The following CHST11 variants were observed in gnomAD, a reference collection of about 807,000 sequenced individuals.
CHST11 encodes the protein carbohydrate sulfotransferase 11.
CHST11 carries 9 observed loss-of-function variants against 30.4 expected under a neutral mutation model. The ratio of observed to expected loss-of-function variants is 0.30; its 90% CI spans 0.18 to 0.52. The LOEUF is 0.52. Among genes scored for constraint, CHST11 ranks in the 20% least tolerant of loss-of-function variants. The pLI is 0.97. For synonymous variants in CHST11, 152 were observed against 187.8 expected, an observed-to-expected ratio of 0.81 and a Z score of 1.56; for missense variants, 348 against 460.6, an observed-to-expected ratio of 0.76 and a Z score of 2.24.
At chr12:104,608,561 A>G (rs1033968995) in intron 2 of CHST11, among the ~76,000 whole-genome samples, 2 of 152,064 alleles carry the variant, frequency 1.3e-5, no homozygotes, top group African/African-American at 4.8e-5. Flanking sequence ...CTCCCTTGCA[A>G]TGTGTTTTCA....
At chr12:104,709,284 T>G (rs1191390420) in intron 2 of CHST11, among the ~76,000 whole-genome samples, 1 of 152,182 alleles carries the variant, frequency 6.6e-6, no homozygotes, top group East Asian at 1.9e-4. Context: ...CAGGGCCTTC[T>G]CTCTCTCCTC....
At chr12:104,602,281 G>A (rs1592788337) in intron 2 of CHST11, 7 of 462,062 alleles carry the variant, frequency 1.5e-5, no homozygotes, top group Non-Finnish European at 2.7e-5. Context: ...AATGGGACTC[G>A]GGAATTAAAG....
At chr12:104,654,259 A>T (rs993635260) in intron 2 of CHST11, among the ~76,000 whole-genome samples, 13 of 152,308 alleles carry the variant, frequency 8.5e-5, no homozygotes, top group South Asian at 2.1e-4. Flanking sequence ...GTTCAGAATC[A>T]TCCAAGCTGG....
chr12:104,482,284 C>A (rs2037632214), intron 1 of CHST11, among the ~76,000 whole-genome samples: 1 of 151,880 alleles, frequency 6.6e-6, no homozygotes, highest in Non-Finnish European at 1.5e-5. Context: ...TATTTACGAG[C>A]CAGTGGAGGC....
Position 104,757,383 on chromosome 12 carries a change from C to T in CHST11, c.639C>T (p.Gly213=). ...KYNISFHKRY[G]TKIIKRQRKN... is the part of the protein sequence containing the mutation. ...ACATCTCCTTCCACAAGCGGTACGG[C>T]ACCAAGATCATCAAACGCCAGCGGA... The change falls in exon 3 of 3, where the codon GGC becomes GGT. Residue 213 remains glycine, a synonymous_variant. Coordinates refer to ENST00000303694, the MANE Select transcript of CHST11 (RefSeq NM_018413.6). This position sits in a 1 kb window ranked among gnomAD's most constrained non-coding sequence, Gnocchi z 6.5. 6.2e-7 allele frequency: 1 copy of T among 1,614,102 alleles called. No homozygotes were observed.
At chr12:104,565,815 TG>T (rs1326563054) in intron 1 of CHST11, among the ~76,000 whole-genome samples, 1 of 152,166 alleles carries the variant, frequency 6.6e-6, no homozygotes, top group African/African-American at 2.4e-5. Flanking sequence ...CCCTTGAAAT[TG>T]GGCAGACTTC....
chr12:104,606,767 A>G (rs2039009130), intron 2 of CHST11, among the ~76,000 whole-genome samples: 1 of 152,212 alleles, frequency 6.6e-6, no homozygotes, highest in South Asian at 2.1e-4. Context: ...TGGAATGGAC[A>G]ATAGCTGTAA....
At chr12:104,596,955 A>G (rs935491934) in intron 1 of CHST11, among the ~76,000 whole-genome samples, 5 of 152,160 alleles carry the variant, frequency 3.3e-5, no homozygotes, top group African/African-American at 9.7e-5. Context: ...CGTGAGAGGC[A>G]AGTTCCTACT....
chr12:104,475,689 T>TATATATATATATATAA (rs1232136682), intron 1 of CHST11, among the ~76,000 whole-genome samples: 28 of 77,560 alleles, frequency 3.6e-4, no homozygotes, highest in African/African-American at 9.0e-4. Context: ...TATATATATA[T>TATATATATATATATAA]ATTTCTGATT....
chr12:104,689,321 C>G (rs899802670), intron 2 of CHST11, among the ~76,000 whole-genome samples: 23 of 152,230 alleles, frequency 1.5e-4, no homozygotes, highest in African/African-American at 4.6e-4. Context: ...AATCGAAATA[C>G]AGTGGAAGCT....
chr12:104,669,252 A>C (rs571202939), intron 2 of CHST11, among the ~76,000 whole-genome samples: 1 of 152,192 alleles, frequency 6.6e-6, no homozygotes, highest in East Asian at 1.9e-4. Flanking sequence ...CGCCCTCCTG[A>C]ATGTTCCATT....
At chr12:104,714,137 T>C (rs1344045130) in intron 2 of CHST11, among the ~76,000 whole-genome samples, 1 of 152,176 alleles carries the variant, frequency 6.6e-6, no homozygotes, top group Non-Finnish European at 1.5e-5. Flanking sequence ...TATATATGTA[T>C]CTCAAAGGTC....
chr12:104,482,146 T>G (rs1281733152), intron 1 of CHST11, among the ~76,000 whole-genome samples: 3 of 152,084 alleles, frequency 2.0e-5, no homozygotes, highest in African/African-American at 7.2e-5. Context: ...TTGGATAGAT[T>G]GTTGCTGATA....
At chr12:104,611,482 G>A (rs920621196) in intron 2 of CHST11, among the ~76,000 whole-genome samples, 2 of 152,196 alleles carry the variant, frequency 1.3e-5, no homozygotes, top group Admixed American at 6.5e-5. Flanking sequence ...CGCCCCTTGA[G>A]GGAAGGAGCT....
rs566747986 is a variant in CHST11, at chr12:104,512,027, T to C, written c.118+54498T>C. Among the ~76,000 whole-genome samples the C allele has an allele frequency of 2.6e-5, 4 of 152,342 alleles. No individual in the cohort carries two copies. In the East Asian group the frequency reaches 7.7e-4, roughly 29 times the overall value. The stretch of plus-strand genomic sequence containing the variant: ...TAATATAATGTAAATGCTATGTGAG[T>C]AGTTGTTCCACTGTATTTTTTTATT... On this transcript the variant is annotated intron_variant, in intron 1 of 2. Transcript: ENST00000303694.
intron 1 of CHST11, among the ~76,000 whole-genome samples, chr12:104,579,699 G>A (rs901724847): frequency 6.6e-6 from 1 of 152,184 alleles, no homozygotes; most frequent in Non-Finnish European, 1.5e-5. Context: ...GCCCGGCAGG[G>A]GAGGGCACAT....
chr12:104,701,846 G>T (rs1478246471), intron 2 of CHST11, among the ~76,000 whole-genome samples: 1 of 152,226 alleles, frequency 6.6e-6, no homozygotes, highest in Admixed American at 6.5e-5. Flanking sequence ...GCACTTGGGT[G>T]CTGGACATGG....
At chr12:104,750,751 A>G (rs1004085946) in intron 2 of CHST11, among the ~76,000 whole-genome samples, 2 of 152,022 alleles carry the variant, frequency 1.3e-5, no homozygotes, top group Admixed American at 1.3e-4. Context: ...GCTTGTGCAC[A>G]TTTTAGTACC....
intron 1 of CHST11, among the ~76,000 whole-genome samples, chr12:104,566,892 T>C (rs1213268973): frequency 6.6e-6 from 1 of 152,042 alleles, no homozygotes; most frequent in East Asian, 1.9e-4. Context: ...AGAAAATATA[T>C]ACTTTTATAG....
Sources: allele counts gnomAD v4.1 joint callset (sites outside exome capture counted in the v4.1 genomes callset), GRCh38; gene constraint gnomAD v4.1.1; non-coding constraint Gnocchi (gnomAD v3.1); transcripts MANE v1.5; gene names NCBI Gene and HGNC (gene_info 2026-07-23, HGNC 2026-07-21).